Variants in KDM4C observed in about 807,000 individuals in gnomAD.
The protein encoded by KDM4C is lysine-specific demethylase 4C.
KDM4C carries 81 observed loss-of-function variants against 129.3 expected under a neutral mutation model. The ratio of observed to expected loss-of-function variants is 0.63; its 90% CI spans 0.52 to 0.75. The LOEUF is 0.75. Among genes scored for constraint, KDM4C ranks in the 30% least tolerant of loss-of-function variants. The pLI is 0.00. For synonymous variants in KDM4C, 573 were observed against 456.1 expected, an observed-to-expected ratio of 1.26 and a Z score of -3.26; for missense variants, 1,457 against 1,304.0, an observed-to-expected ratio of 1.12 and a Z score of -1.81.
At chr9:6,963,420 G>A (rs1009193356) in intron 8 of KDM4C, among the ~76,000 whole-genome samples, 2 of 152,216 alleles carry the variant, frequency 1.3e-5, no homozygotes, top group African/African-American at 4.8e-5. Flanking sequence ...CCCAGAGGCT[G>A]ACATTATGAA....
intron 18 of KDM4C, chr9:7,127,817 A>G (rs1218146349): frequency 1.4e-5 from 5 of 362,832 alleles, no homozygotes; most frequent in South Asian, 5.5e-5. Flanking sequence ...TTGTATATGC[A>G]TACACACACA....
At chr9:7,130,817 G>A (rs1016366249) in intron 19 of KDM4C, among the ~76,000 whole-genome samples, 1 of 151,996 alleles carries the variant, frequency 6.6e-6, no homozygotes, top group East Asian at 1.9e-4. Flanking sequence ...GGAGGGCAGT[G>A]GTGTGATCAC....
At chr9:6,851,240 A>C (rs904799043) in intron 5 of KDM4C, among the ~76,000 whole-genome samples, 8 of 152,166 alleles carry the variant, frequency 5.3e-5, no homozygotes, top group Admixed American at 1.3e-4. Context: ...CAACCTCCCA[A>C]AGTGCTGGGA....
intron 2 of KDM4C, among the ~76,000 whole-genome samples, chr9:6,797,501 G>A (rs1827968685): frequency 6.6e-6 from 1 of 152,190 alleles, no homozygotes; most frequent in Admixed American, 6.5e-5. Context: ...TGATGGTCAG[G>A]TTGCGAAAGT....
intron 4 of KDM4C, among the ~76,000 whole-genome samples, chr9:6,846,913 T>C (rs1837946922): frequency 6.6e-6 from 1 of 152,176 alleles, no homozygotes; most frequent in Admixed American, 6.5e-5. Context: ...AACCCTTGTG[T>C]TTCCATGAAG....
intron 17 of KDM4C, among the ~76,000 whole-genome samples, chr9:7,067,263 T>A (rs1386489534): frequency 6.6e-6 from 1 of 152,224 alleles, no homozygotes; most frequent in African/African-American, 2.4e-5. Context: ...AGCCTCAGGC[T>A]GATATGGGGG....
intron 1 of KDM4C, among the ~76,000 whole-genome samples, chr9:6,790,407 G>A (rs1826324225): frequency 6.6e-6 from 1 of 150,546 alleles, no homozygotes; most frequent in African/African-American, 2.4e-5. Flanking sequence ...ACCACACCTG[G>A]CTAATTTTTT....
chr9:6,763,499 A>G (rs542619166), intron 1 of KDM4C, among the ~76,000 whole-genome samples: 1 of 152,058 alleles, frequency 6.6e-6, no homozygotes, highest in East Asian at 1.9e-4. Context: ...TTCCCTCCCT[A>G]CCCTCATGCA....
At chr9:6,908,286 T>C (rs1818679411) in intron 8 of KDM4C, among the ~76,000 whole-genome samples, 1 of 152,202 alleles carries the variant, frequency 6.6e-6, no homozygotes, top group Non-Finnish European at 1.5e-5. Flanking sequence ...GAGGTTATAA[T>C]TTTCTTCCAA....
intron 11 of KDM4C, among the ~76,000 whole-genome samples, chr9:6,988,177 AAAAAAAAG>A (rs1818071129): frequency 6.6e-6 from 1 of 151,170 alleles, no homozygotes; most frequent in Non-Finnish European, 1.5e-5. Flanking sequence ...AAAAAAAAAA[AAAAAAAAG>A]GAAAAAAAAT....
chr9:7,071,184 G>A (rs923584401), intron 17 of KDM4C, among the ~76,000 whole-genome samples: 4 of 152,128 alleles, frequency 2.6e-5, no homozygotes, highest in African/African-American at 9.7e-5. Context: ...TAAGTAGAAA[G>A]TTACACCTGA....
In KDM4C at chr9:6,801,391, G is replaced by A. The variant is rs190330634; in HGVS notation, c.145-4208G>A. On this transcript the variant is annotated intron_variant, in intron 2 of 21. Coordinates refer to ENST00000381309, the MANE Select transcript of KDM4C (RefSeq NM_015061.6). ...TGGGACTACAGGTGCCTGCCACCAT[G>A]CCCGGCTAATTTTCTGTATTTTTTT... Among the ~76,000 whole-genome samples the A allele has an allele frequency of 5.3e-5, 8 of 151,526 alleles. No homozygotes were observed. In the East Asian group the frequency reaches 1.6e-3, roughly 30 times the overall value.
chr9:6,864,809 CT>C lies in KDM4C; in HGVS notation c.629+15118del, dbSNP rs148477943. ...TAATTTTCTATATCTTGTTGGCAAT[CT>C]TTTTTTTTAATTTATTTTTTTTCTC... On this transcript the variant is annotated intron_variant, in intron 5 of 21. Transcript: ENST00000381309. Among the ~76,000 whole-genome samples, 6 of 150,164 alleles carry C rather than the reference CT, an allele frequency of 4.0e-5. No individual in the cohort carries two copies. The East Asian group carries it at 5.9e-4, about 15-fold the overall frequency.
intron 18 of KDM4C, among the ~76,000 whole-genome samples, chr9:7,108,290 G>A (rs10976043): frequency 0.23 from 34,261 of 151,782 alleles, 4,107 homozygotes; most frequent in East Asian, 0.46. Context: ...AGGCTGGAGC[G>A]CAGTGGCATG....
At chr9:6,865,605 C>T (rs995080781) in intron 5 of KDM4C, among the ~76,000 whole-genome samples, 2 of 152,048 alleles carry the variant, frequency 1.3e-5, no homozygotes, top group Non-Finnish European at 2.9e-5. Context: ...CTTGGTCTAT[C>T]ACCTGGGCTG....
chr9:6,752,441 G>A (rs960095808), intron 1 of KDM4C, among the ~76,000 whole-genome samples: 17 of 133,040 alleles, frequency 1.3e-4, no homozygotes, highest in Non-Finnish European at 2.2e-4. Context: ...GTGGAGTTTC[G>A]CTCTTGTTGC....
intron 8 of KDM4C, among the ~76,000 whole-genome samples, chr9:6,961,757 T>C (rs2131604883): frequency 6.6e-6 from 1 of 152,348 alleles, no homozygotes; most frequent in East Asian, 1.9e-4. Flanking sequence ...TTTGATGGTA[T>C]TTAGCTTTAT....
chr9:7,012,717 C>T (rs117837575), intron 13 of KDM4C, among the ~76,000 whole-genome samples: 1 of 152,092 alleles, frequency 6.6e-6, no homozygotes, highest in Non-Finnish European at 1.5e-5. Context: ...GTCCTCAGCA[C>T]TCAAACAGTT....
rs555764475 is a variant in KDM4C, at chr9:6,744,175, AT to A, written c.49+23180del. 1.6e-3 allele frequency among the ~76,000 whole-genome samples: 236 copies of A among 152,188 alleles called. 2 individuals are homozygous for A. Among genetic ancestry groups the A allele is most frequent in the African/African-American group, 5.5e-3 (227 of 41,516 alleles). ...CAATAGCAACAGCGTTTGGAAAAAAATTATTTCCAAACATAGGAGAACTCAG... is the reference window on the plus strand; with the variant it reads ...CAATAGCAACAGCGTTTGGAAAAAAATATTTCCAAACATAGGAGAACTCAG... On this transcript the variant is annotated intron_variant, in intron 1 of 17. Transcript: ENST00000536108.
Sources: gnomAD v4.1 joint callset for allele counts (sites outside exome capture counted in the v4.1 genomes callset) on GRCh38, gnomAD v4.1.1 for gene constraint, MANE v1.5 for transcripts, NCBI Gene and HGNC (gene_info 2026-07-23, HGNC 2026-07-21) for gene names.